The following NRXN1 variants were observed in gnomAD, a reference collection of about 807,000 sequenced individuals.
The protein encoded by NRXN1 is neurexin 1.
A neutral mutation model predicts 150.9 loss-of-function variants in NRXN1; 39 were observed. The ratio of observed to expected loss-of-function variants is 0.26; its 90% CI spans 0.20 to 0.34. The LOEUF (loss-of-function observed/expected upper bound fraction) is 0.34. NRXN1 is among the 10% of genes least tolerant of loss of function. NRXN1 has a pLI of 1.00. For synonymous variants in NRXN1, 924 were observed against 757.0 expected (o/e 1.22, Z -3.62); for missense variants, 1,815 against 1,949.9 (o/e 0.93, Z 1.30).
rs150547323 is a variant in NRXN1 at position 49,956,198 on chromosome 2, T to C, written c.4129-12407A>G. Among the ~76,000 whole-genome samples, 134 of 152,170 alleles carry C rather than the reference T, an allele frequency of 8.8e-4. 1 individual carries two copies. The highest frequency in any genetic ancestry group is 2.9e-3 in the African/African-American group (119 of 41,540). ...AATCAGAAAAATAGAAGTAATTTGA[T>C]AGGAAAAATAAGTCCAACACTACCC... is the stretch of plus-strand genomic sequence containing the variant. On this transcript the variant is annotated intron_variant, in intron 21 of 22. Coordinates refer to ENST00000401669, the MANE Select transcript of NRXN1 (RefSeq NM_001330078.2).
chr2:49,998,666 AC>A (rs1250779244), intron 21 of NRXN1, among the ~76,000 whole-genome samples: 4 of 152,048 alleles, frequency 2.6e-5, no homozygotes, highest in Admixed American at 6.6e-5. Flanking sequence ...ACATAATTTA[AC>A]CTTTTTAAAA....
chr2:50,923,893 C>T (rs1024387061), intron 3 of NRXN1, among the ~76,000 whole-genome samples: 4 of 151,754 alleles, frequency 2.6e-5, no homozygotes, highest in Admixed American at 1.3e-4. Flanking sequence ...AAATAATCAT[C>T]TAATCACAAT....
intron 17 of NRXN1, among the ~76,000 whole-genome samples, chr2:50,251,673 C>A (rs1276445012): frequency 1.3e-5 from 2 of 152,164 alleles, no homozygotes; most frequent in Admixed American, 6.5e-5. Context: ...TCCTCTTTCT[C>A]CAGAGCCTGG....
At chr2:50,521,644 A>G (rs2105127992) in intron 12 of NRXN1, among the ~76,000 whole-genome samples, 1 of 152,294 alleles carries the variant, frequency 6.6e-6, no homozygotes, top group Middle Eastern at 3.4e-3. Context: ...CTTATGTACC[A>G]CATGTTAGCC....
chr2:50,192,271 T>C lies in NRXN1; in HGVS notation c.3546+44518A>G, dbSNP rs562893184. Among the ~76,000 whole-genome samples, 3 of 152,322 alleles carry C rather than the reference T, an allele frequency of 2.0e-5. No homozygotes were observed. In the East Asian group the frequency reaches 5.8e-4, roughly 29 times the overall value. On this transcript the variant is annotated intron_variant, in intron 18 of 22. Coordinates refer to ENST00000401669, the MANE Select transcript of NRXN1 (RefSeq NM_001330078.2). ...AAATAGTATTTTTCATAGTTGATTA[T>C]TATAGTATCATTTTCTTTAAAGCAT...
chr2:50,724,967 G>C (rs1251686866), intron 5 of NRXN1, among the ~76,000 whole-genome samples: 1 of 152,134 alleles, frequency 6.6e-6, no homozygotes, highest in Non-Finnish European at 1.5e-5. Flanking sequence ...CACGATTCTA[G>C]GTGGTAGGAT....
At chr2:50,083,945 G>A (rs1362866929) in intron 19 of NRXN1, among the ~76,000 whole-genome samples, 2 of 152,062 alleles carry the variant, frequency 1.3e-5, no homozygotes, top group Non-Finnish European at 1.5e-5. Context: ...GCAGATTGGT[G>A]CATTTACAAA....
At position 50,949,758 on chromosome 2, in the gene NRXN1, T is replaced by A. The variant is rs113833721; in HGVS notation, c.773-23803A>T. On this transcript the variant is annotated intron_variant, in intron 2 of 22. Transcript: ENST00000401669. ...AAATAAAAACTTTTCCCAGAAAGCT[T>A]TTACCGGCACAGCCAGAACTTGCTA... 1.9e-3 allele frequency among the ~76,000 whole-genome samples: 289 copies of A among 152,202 alleles called. 4 individuals carry two copies. The highest frequency in any genetic ancestry group is 6.8e-3 in the African/African-American group (281 of 41,564).
intron 17 of NRXN1, among the ~76,000 whole-genome samples, chr2:50,330,387 A>G (rs114771813): frequency 0.026 from 4,034 of 152,298 alleles, 153 homozygotes; most frequent in African/African-American, 0.092. Context: ...AGTTCGACAG[A>G]AAGAATTTAA....
At chr2:50,277,864 C>T (rs2070762472) in intron 17 of NRXN1, among the ~76,000 whole-genome samples, 1 of 151,838 alleles carries the variant, frequency 6.6e-6, no homozygotes, top group Admixed American at 6.6e-5. Context: ...CCCTTCTATA[C>T]AATCTACCTT....
At chr2:50,491,223 G>C (rs2091234176) in intron 15 of NRXN1, among the ~76,000 whole-genome samples, 2 of 152,218 alleles carry the variant, frequency 1.3e-5, no homozygotes, top group Admixed American at 1.3e-4. Context: ...AATGACAGCA[G>C]TAAAGATTTG....
chr2:50,685,359 C>G (rs1337087941), intron 5 of NRXN1, among the ~76,000 whole-genome samples: 1 of 152,130 alleles, frequency 6.6e-6, no homozygotes, highest in Non-Finnish European at 1.5e-5. Context: ...TTTTGCATGT[C>G]ACTAGTTTCC....
intron 17 of NRXN1, among the ~76,000 whole-genome samples, chr2:50,422,349 A>G (rs2084066240): frequency 6.6e-6 from 1 of 152,160 alleles, no homozygotes; most frequent in African/African-American, 2.4e-5. Context: ...ACATTTTAAT[A>G]AGGACAATGT....
chr2:51,020,386 T>C (rs1669419368), intron 2 of NRXN1, among the ~76,000 whole-genome samples: 1 of 151,996 alleles, frequency 6.6e-6, no homozygotes, highest in Non-Finnish European at 1.5e-5. Context: ...TAGCTTGTCA[T>C]AAAATCCATA....
chr2:50,332,978 G>T (rs1194343682), intron 17 of NRXN1, among the ~76,000 whole-genome samples: 3 of 152,072 alleles, frequency 2.0e-5, no homozygotes, highest in Non-Finnish European at 4.4e-5. Flanking sequence ...GATAATACTG[G>T]CCATCACACC....
chr2:50,691,103 G>A (rs1225009222), intron 5 of NRXN1, among the ~76,000 whole-genome samples: 3 of 152,162 alleles, frequency 2.0e-5, no homozygotes, highest in Non-Finnish European at 4.4e-5. Flanking sequence ...AATCTCAAAT[G>A]ACCATAATTT....
At chr2:50,790,845 G>A (rs1705837799) in intron 5 of NRXN1, among the ~76,000 whole-genome samples, 1 of 152,104 alleles carries the variant, frequency 6.6e-6, no homozygotes, top group Non-Finnish European at 1.5e-5. Context: ...ACTGTGTATT[G>A]TGTGCTTGTA....
chr2:50,733,066 C>CA (rs1479193459), intron 5 of NRXN1, among the ~76,000 whole-genome samples: 5 of 152,106 alleles, frequency 3.3e-5, no homozygotes, highest in Non-Finnish European at 5.9e-5. Flanking sequence ...ACTGTCTTGT[C>CA]ATTCACTGAC....
At chr2:50,735,430 G>C (rs1402558347) in intron 5 of NRXN1, among the ~76,000 whole-genome samples, 5 of 152,108 alleles carry the variant, frequency 3.3e-5, no homozygotes, top group Non-Finnish European at 7.4e-5. Flanking sequence ...GAGACAGAAA[G>C]AGAGGCACAC....
Sources: allele counts gnomAD v4.1 joint callset (sites outside exome capture counted in the v4.1 genomes callset), GRCh38; gene constraint gnomAD v4.1.1; transcripts MANE v1.5; gene names NCBI Gene and HGNC (gene_info 2026-07-23, HGNC 2026-07-21).